The following MARCHF2 variants were observed in gnomAD, a reference collection of about 807,000 sequenced individuals.
The protein encoded by MARCHF2 is E3 ubiquitin-protein ligase MARCHF2.
MARCHF2 carries 22 observed loss-of-function variants against 24.0 expected under a neutral mutation model. That is an observed-to-expected ratio of 0.92 (90% CI 0.66 to 1.31). The LOEUF is 1.31. MARCHF2 is among the 50% of genes most tolerant of loss of function. The pLI is 0.00. For missense variants in MARCHF2, 301 were observed against 335.3 expected, an observed-to-expected ratio of 0.90 and a Z score of 0.80; for synonymous variants, 154 against 153.0, an observed-to-expected ratio of 1.01 and a Z score of -0.05.
At chr19:8,428,042 C>T (rs925413593) in intron 3 of MARCHF2, among the ~76,000 whole-genome samples, 7 of 151,626 alleles carry the variant, frequency 4.6e-5, no homozygotes, top group East Asian at 1.9e-4. Flanking sequence ...GGGCGGATCA[C>T]GAGGTCAGGA....
intron 4 of MARCHF2, 151 bp downstream of exon 4, chr19:8,431,018 GC>G (rs1967568997): frequency 1.4e-6 from 1 of 704,020 alleles, no homozygotes; most frequent in Admixed American, 2.8e-5. Context: ...AGGTCACCCT[GC>G]CTCTCCAGGA....
rs146481748 is a variant in MARCHF2 at position 8,437,784 on chromosome 19, G to A, written c.583-604G>A. Among the ~76,000 whole-genome samples the A allele has an allele frequency of 4.7e-3, 708 of 150,656 alleles. 6 individuals are homozygous for A. The highest frequency in any genetic ancestry group is 0.016 in the African/African-American group (667 of 40,922). ...TTTTGAGACAGGGTCTCACTCTGTCGCCCAGGCTGGAGTGCAGTGGCGTGA... is the reference window on the plus strand; with the variant it reads ...TTTTGAGACAGGGTCTCACTCTGTCACCCAGGCTGGAGTGCAGTGGCGTGA... On this transcript the variant is annotated intron_variant, in intron 4 of 4. Transcript: ENST00000215555.
At chr19:8,417,233 C>G (rs957870964) in intron 1 of MARCHF2, among the ~76,000 whole-genome samples, 2 of 152,170 alleles carry the variant, frequency 1.3e-5, no homozygotes, top group Admixed American at 6.6e-5. Context: ...CACTTGAGAT[C>G]AGCAGTTGGA....
intron 1 of MARCHF2, among the ~76,000 whole-genome samples, chr19:8,420,749 C>T (rs1216315789): frequency 6.6e-6 from 1 of 151,952 alleles, no homozygotes; most frequent in Non-Finnish European, 1.5e-5. Flanking sequence ...CTCCTGGGCT[C>T]AAGTCATCCT....
Position 8,430,392 on chromosome 19 carries a change from G to A in MARCHF2, c.373-266G>A, listed in dbSNP as rs1017118838. Among the ~76,000 whole-genome samples the A allele has an allele frequency of 9.2e-5, 14 of 151,882 alleles. No homozygotes were observed. Among genetic ancestry groups the A allele is most frequent in the East Asian group, 7.7e-4 (4 of 5,184 alleles). ...AATATATATACATACAAAATTAGCC[G>A]TGCATGGTGGCGCTTGCCTGTAATC... On this transcript the variant is annotated intron_variant, in intron 3 of 4. Coordinates refer to ENST00000215555, the MANE Select transcript of MARCHF2 (RefSeq NM_001005415.2). This position sits in a 1 kb window ranked among gnomAD's most constrained non-coding sequence, Gnocchi z 4.4.
chr19:8,433,667 C>T (rs558834093), intron 4 of MARCHF2, among the ~76,000 whole-genome samples: 26 of 130,324 alleles, frequency 2.0e-4, no homozygotes, highest in African/African-American at 7.8e-4. Flanking sequence ...CAGAGCAAGA[C>T]TCCGTCTCAA....
intron 1 of MARCHF2, 25 bp from the exon 2 acceptor site, chr19:8,421,764 A>C: frequency 7.2e-7 from 1 of 1,392,170 alleles, no homozygotes; most frequent in Non-Finnish European, 9.7e-7. Flanking sequence ...CCTTGCCCCT[A>C]ACCTCCGCAC....
At chr19:8,415,761 CAAAA>C (rs772587670) in intron 1 of MARCHF2, among the ~76,000 whole-genome samples, 22 of 110,096 alleles carry the variant, frequency 2.0e-4, no homozygotes, top group South Asian at 6.1e-4. Context: ...AAAAACCAGA[CAAAA>C]GAAAGAAGAG....
At chr19:8,438,108 C>T (rs1459114858) in intron 4 of MARCHF2, among the ~76,000 whole-genome samples, 2 of 152,136 alleles carry the variant, frequency 1.3e-5, no homozygotes, top group African/African-American at 4.8e-5. Flanking sequence ...CTGTTTCACT[C>T]CTTTCCCACT....
chr19:8,421,211 C>T (rs918205514), intron 1 of MARCHF2, among the ~76,000 whole-genome samples: 12 of 151,592 alleles, frequency 7.9e-5, no homozygotes, highest in Non-Finnish European at 1.8e-4. Context: ...TAACTTCCCC[C>T]TCCTGGGTTC....
chr19:8,425,220 GA>G (rs879683585), intron 2 of MARCHF2, among the ~76,000 whole-genome samples: 103 of 144,130 alleles, frequency 7.1e-4, no homozygotes, highest in South Asian at 8.8e-4. Context: ...CTAAAATACA[GA>G]AAAAAAAAAA....
chr19:8,426,776 T>G lies in MARCHF2; in HGVS notation c.344T>G (p.Val115Gly). 1 of 1,612,256 alleles carries G rather than the reference T, an allele frequency of 6.2e-7. No homozygotes were observed. The highest frequency in any genetic ancestry group is 8.5e-7 in the Non-Finnish European group (1 of 1,179,970). The change falls in exon 3 of 5, where the codon GTG (valine) becomes GGG (glycine). Residue 115 changes from valine to glycine, a missense_variant. Transcript: ENST00000215555. ...YCELCHTEFA[V>G]EKRPRPLTEW... ...GAGCTGTGCCACACGGAGTTTGCAG[T>G]GGAGAAACGGCCTCGACCCCTCACA...
At chr19:8,435,880 A>T (rs1177156580) in intron 4 of MARCHF2, among the ~76,000 whole-genome samples, 1 of 142,658 alleles carries the variant, frequency 7.0e-6, no homozygotes, top group Non-Finnish European at 1.5e-5. Context: ...GGGAGGGGAT[A>T]GGATTGTTCT....
chr19:8,415,446 C>G (rs1253941810), intron 1 of MARCHF2, among the ~76,000 whole-genome samples: 1 of 148,752 alleles, frequency 6.7e-6, no homozygotes, highest in Non-Finnish European at 1.5e-5. Context: ...AGGCCAGGCG[C>G]GGTGACTCAT....
chr19:8,416,604 C>T (rs143275368), intron 1 of MARCHF2, among the ~76,000 whole-genome samples: 12 of 152,270 alleles, frequency 7.9e-5, no homozygotes, highest in African/African-American at 2.6e-4. Context: ...GGGTCTTGCT[C>T]TGTGGCCCAG....
chr19:8,419,838 TAAATAAAAATAAA>T (rs1255238138), intron 1 of MARCHF2, among the ~76,000 whole-genome samples: 24 of 122,632 alleles, frequency 2.0e-4, no homozygotes, highest in South Asian at 5.0e-4. Context: ...AATAAATAAA[TAAATAAAAATAAA>T]AAATAAAAAT....
At chr19:8,421,664 G>A in intron 1 of MARCHF2, 125 bp from the exon 2 acceptor site, 2 of 536,342 alleles carry the variant, frequency 3.7e-6, no homozygotes, top group Admixed American at 3.7e-5. Flanking sequence ...TACAGATGGT[G>A]CAAACTGAGG....
At chr19:8,429,053 T>C (rs1209380301) in intron 3 of MARCHF2, among the ~76,000 whole-genome samples, 1 of 151,938 alleles carries the variant, frequency 6.6e-6, no homozygotes, top group African/African-American at 2.4e-5. Flanking sequence ...CCCACTTTGG[T>C]CTCCGTGCTA....
intron 4 of MARCHF2, among the ~76,000 whole-genome samples, chr19:8,437,678 T>G (rs558026901): frequency 9.8e-4 from 148 of 151,514 alleles, no homozygotes; most frequent in Admixed American, 2.6e-3. Flanking sequence ...GACTTTTTTT[T>G]TTTTAAACTT....
Sources: gnomAD v4.1 joint callset for allele counts (sites outside exome capture counted in the v4.1 genomes callset) on GRCh38, gnomAD v4.1.1 for gene constraint, Gnocchi (gnomAD v3.1) non-coding constraint, MANE v1.5 for transcripts, NCBI Gene and HGNC (gene_info 2026-07-23, HGNC 2026-07-21) for gene names.